The following XRCC4 variants were observed in gnomAD, a reference collection of about 807,000 sequenced individuals.
XRCC4 encodes X-ray repair cross complementing 4, also known as DNA repair protein XRCC4.
Under a neutral mutation model 39.1 loss-of-function variants are expected in XRCC4, and 28 were observed. That is an observed-to-expected ratio of 0.72 (90% confidence interval 0.53 to 0.98). The LOEUF is 0.98. XRCC4 is among the 50% of genes least tolerant of loss of function. The pLI, the probability that XRCC4 is intolerant of heterozygous loss-of-function variation, is 0.00. For synonymous variants in XRCC4, 123 were observed against 126.4 expected (o/e 0.97, Z 0.18); for missense variants, 350 against 376.4 (o/e 0.93, Z 0.58).
chr5:83,083,341 G>A (rs1170204343), intron 1 of XRCC4, among the ~76,000 whole-genome samples: 2 of 150,512 alleles, frequency 1.3e-5, no homozygotes, highest in Admixed American at 1.3e-4. Flanking sequence ...TTGTTTGAAT[G>A]AATGACTGAC....
chr5:83,130,330 G>A (rs9687202), intron 3 of XRCC4, among the ~76,000 whole-genome samples: 2,682 of 152,174 alleles, frequency 0.018, 69 homozygotes, highest in African/African-American at 0.062. Flanking sequence ...ACTTGATTGT[G>A]GTGGATAAGC....
intron 7 of XRCC4, among the ~76,000 whole-genome samples, chr5:83,305,528 G>C (rs1755450568): frequency 6.6e-6 from 1 of 151,906 alleles, no homozygotes; most frequent in Admixed American, 6.6e-5. Flanking sequence ...TTATTATATA[G>C]AACACTTCAA....
intron 7 of XRCC4, among the ~76,000 whole-genome samples, chr5:83,277,160 G>C (rs940618646): frequency 6.6e-6 from 1 of 152,180 alleles, no homozygotes; most frequent in Non-Finnish European, 1.5e-5. Context: ...AGAAAACAAA[G>C]ATATATGAAA....
At chr5:83,213,427 A>G (rs113245806) in intron 6 of XRCC4, among the ~76,000 whole-genome samples, 12 of 152,134 alleles carry the variant, frequency 7.9e-5, no homozygotes, top group African/African-American at 2.4e-4. Context: ...TTGGGTTTAT[A>G]ATATAGATAG....
intron 3 of XRCC4, among the ~76,000 whole-genome samples, chr5:83,184,325 A>T (rs1321894650): frequency 6.6e-6 from 1 of 151,354 alleles, no homozygotes; most frequent in East Asian, 1.9e-4. Context: ...TTTTATGAAA[A>T]TTTTTTTTTC....
the XRCC4 span, among the ~76,000 whole-genome samples, chr5:83,359,405 T>C: frequency 6.6e-6 from 1 of 152,066 alleles, no homozygotes; most frequent in Non-Finnish European, 1.5e-5. Context: ...CTAACTTGAG[T>C]TCTTGGCCTG....
intron 6 of XRCC4, among the ~76,000 whole-genome samples, chr5:83,207,105 A>G (rs28360161): frequency 7.9e-4 from 120 of 152,292 alleles, no homozygotes; most frequent in African/African-American, 2.7e-3. Context: ...ATAATCAAAT[A>G]GAGAAAAACT....
downstream of XRCC4, among the ~76,000 whole-genome samples, chr5:83,358,622 C>G (rs1204387555): frequency 6.6e-6 from 1 of 152,064 alleles, no homozygotes; most frequent in African/African-American, 2.4e-5. Context: ...AGGGCAGGAG[C>G]AATTTTGGTA....
At chr5:83,261,379 C>G (rs1237684257) in intron 7 of XRCC4, among the ~76,000 whole-genome samples, 1 of 151,966 alleles carries the variant, frequency 6.6e-6, no homozygotes, top group Non-Finnish European at 1.5e-5. Context: ...TCTGTAGACT[C>G]ACAAATAAAC....
At chr5:83,078,340 A>G (rs1224555716) in intron 1 of XRCC4, among the ~76,000 whole-genome samples, 2 of 152,254 alleles carry the variant, frequency 1.3e-5, no homozygotes, top group Non-Finnish European at 1.5e-5. Flanking sequence ...ATAAAGTATT[A>G]GAAATGAGAG....
At chr5:83,346,635 G>T (rs1181801124) in intron 7 of XRCC4, among the ~76,000 whole-genome samples, 1 of 152,074 alleles carries the variant, frequency 6.6e-6, no homozygotes, top group East Asian at 1.9e-4. Flanking sequence ...ACTTATATTT[G>T]TTCTATTTTC....
At chr5:83,368,851 G>A in the XRCC4 span, among the ~76,000 whole-genome samples, 1 of 152,144 alleles carries the variant, frequency 6.6e-6, no homozygotes, top group African/African-American at 2.4e-5. Flanking sequence ...GGCTGTGTTA[G>A]TGTATAAGAC....
At chr5:83,129,947 A>G (rs1162122401) in intron 3 of XRCC4, among the ~76,000 whole-genome samples, 6 of 152,136 alleles carry the variant, frequency 3.9e-5, no homozygotes, top group Non-Finnish European at 8.8e-5. Context: ...TTCCTAATTG[A>G]ATACCCTTTA....
intron 7 of XRCC4, among the ~76,000 whole-genome samples, chr5:83,308,887 T>C (rs1310214677): frequency 6.6e-6 from 1 of 152,184 alleles, no homozygotes; most frequent in Non-Finnish European, 1.5e-5. Context: ...AAATTCCATT[T>C]CAAATTTTTA....
intron 7 of XRCC4, chr5:83,258,882 C>A: frequency 1.6e-6 from 1 of 642,088 alleles, no homozygotes; most frequent in Non-Finnish European, 2.4e-6. Context: ...ATGCTGAGAA[C>A]GTAAGCAAAA....
chr5:83,109,215 A>G (rs574696887), intron 2 of XRCC4, among the ~76,000 whole-genome samples: 2 of 151,940 alleles, frequency 1.3e-5, no homozygotes, highest in South Asian at 4.1e-4. Flanking sequence ...ATTTCCTTAT[A>G]TTCTGTAATA....
chr5:83,204,935 A>G lies in XRCC4; in HGVS notation c.745+14A>G. ...GGTTGGCTTCAGGTAAGAGATACAT[A>G]CATTTATCTCCTCTGTTGAATATCT... On this transcript the variant is annotated intron_variant, in intron 6 of 7. Coordinates refer to ENST00000396027, the MANE Select transcript of XRCC4 (RefSeq NM_003401.5). The G allele has an allele frequency of 1.3e-6, 2 of 1,516,416 alleles. No individual in the cohort carries two copies. The highest frequency in any genetic ancestry group is 1.8e-6 in the Non-Finnish European group (2 of 1,093,384). The allele number at this position is 1,516,416 out of a possible 1,614,324, so 93.9% of individuals were successfully genotyped here.
At chr5:83,127,973 CATTT>C (rs1292918867) in intron 3 of XRCC4, among the ~76,000 whole-genome samples, 5 of 149,562 alleles carry the variant, frequency 3.3e-5, no homozygotes, top group African/African-American at 7.4e-5. Context: ...AGTCATCTGT[CATTT>C]ATTTATTTAT....
chr5:83,212,461 G>C (rs1182793181), intron 6 of XRCC4, among the ~76,000 whole-genome samples: 1 of 152,056 alleles, frequency 6.6e-6, no homozygotes, highest in Non-Finnish European at 1.5e-5. Context: ...GATCTTCAGA[G>C]ACTTTTGGGA....
Sources: gnomAD v4.1 joint callset for allele counts (sites outside exome capture counted in the v4.1 genomes callset) on GRCh38, gnomAD v4.1.1 for gene constraint, MANE v1.5 for transcripts, NCBI Gene and HGNC (gene_info 2026-07-23, HGNC 2026-07-21) for gene names.